Variants in CMIP observed in about 807,000 individuals in gnomAD.
CMIP encodes c-Maf inducing protein.
Under a neutral mutation model 97.3 loss-of-function variants are expected in CMIP, and 13 were observed. The ratio of observed to expected loss-of-function variants is 0.13; its 90% CI spans 0.09 to 0.21. CMIP has a LOEUF of 0.21. Ranked by LOEUF, CMIP falls within the 10% of genes least tolerant of loss-of-function variation. The probability of loss-of-function intolerance (pLI) is 1.00; values close to 1 mark genes in which losing one functional copy is unlikely to be tolerated. For synonymous variants in CMIP, 538 were observed against 436.3 expected, an observed-to-expected ratio of 1.23 and a Z score of -2.91; for missense variants, 847 against 1,024.9, an observed-to-expected ratio of 0.83 and a Z score of 2.37.
intron 1 of CMIP, among the ~76,000 whole-genome samples, chr16:81,528,986 C>A (rs1001213509): frequency 2.0e-5 from 3 of 152,266 alleles, no homozygotes; most frequent in Admixed American, 6.5e-5. Context: ...CATCTATCCG[C>A]CCATCCCTTT....
chr16:81,570,915 A>G (rs1214666201), intron 1 of CMIP, among the ~76,000 whole-genome samples: 1 of 152,122 alleles, frequency 6.6e-6, no homozygotes, highest in East Asian at 1.9e-4. Flanking sequence ...GAGCCTGCGG[A>G]CACGTGATGA....
At chr16:81,490,848 C>T (rs2150766206) in intron 1 of CMIP, among the ~76,000 whole-genome samples, 1 of 152,202 alleles carries the variant, frequency 6.6e-6, no homozygotes, top group South Asian at 2.1e-4. Context: ...GACACGGAGG[C>T]ATAGGGAGCA....
In CMIP at chr16:81,616,591, G is replaced by C. The variant is rs928132916; in HGVS notation, c.427-4285G>C. Among the ~76,000 whole-genome samples the C allele has an allele frequency of 1.3e-5, 2 of 152,238 alleles. No homozygotes were observed. Among genetic ancestry groups the C allele is most frequent in the Non-Finnish European group, 2.9e-5 (2 of 68,042 alleles). Reference sequence around the variant, plus strand: ...TAGCTGGGATCTGCAAACTAAACCTGCCTTCTTGAACCGAAACCTGCCTTC... The same window carrying C: ...TAGCTGGGATCTGCAAACTAAACCTCCCTTCTTGAACCGAAACCTGCCTTC... On this transcript the variant is annotated intron_variant, in intron 2 of 20. Transcript: ENST00000537098. The surrounding 1 kb of genome is among the most constrained non-coding windows in gnomAD (Gnocchi z 4.7).
intron 10 of CMIP, among the ~76,000 whole-genome samples, chr16:81,686,886 C>T (rs1311502527): frequency 6.6e-6 from 1 of 152,142 alleles, no homozygotes. Flanking sequence ...GTAGGGGTCC[C>T]GGGACCACCC....
At chr16:81,611,616 T>G (rs1394015511) in intron 2 of CMIP, among the ~76,000 whole-genome samples, 1 of 152,124 alleles carries the variant, frequency 6.6e-6, no homozygotes, top group African/African-American at 2.4e-5. Context: ...TCTTTAGTCC[T>G]TGCTGTGGCT....
At chr16:81,492,535 G>A (rs1001871597) in intron 1 of CMIP, among the ~76,000 whole-genome samples, 5 of 152,190 alleles carry the variant, frequency 3.3e-5, no homozygotes, top group Admixed American at 2.0e-4. Flanking sequence ...GTGGCATCGC[G>A]GTGGCCGGGA....
intron 17 of CMIP, among the ~76,000 whole-genome samples, chr16:81,703,160 C>T (rs1466717377): frequency 1.3e-5 from 2 of 152,158 alleles, no homozygotes; most frequent in African/African-American, 4.8e-5. Context: ...TCCATTCCAG[C>T]CAGCAGGAAG....
chr16:81,540,828 G>A (rs1383949454), intron 1 of CMIP, among the ~76,000 whole-genome samples: 1 of 152,102 alleles, frequency 6.6e-6, no homozygotes, highest in Non-Finnish European at 1.5e-5. Flanking sequence ...CTTCAGGCTT[G>A]TGCCACCACG....
intron 2 of CMIP, among the ~76,000 whole-genome samples, chr16:81,609,288 C>T (rs1222664539): frequency 1.3e-5 from 2 of 152,104 alleles, no homozygotes; most frequent in African/African-American, 2.4e-5. Context: ...CTTCTGCCAG[C>T]TCCTCTGCCT....
At chr16:81,461,176 C>T (rs896701341) in intron 1 of CMIP, among the ~76,000 whole-genome samples, 10 of 152,302 alleles carry the variant, frequency 6.6e-5, no homozygotes, top group South Asian at 4.1e-4. Context: ...TGATGTTTTC[C>T]ACTTCCTCCC....
rs2091993062 is a variant in CMIP at position 81,621,600 on chromosome 16, C to T, written c.477+674C>T. 1 of 152,850 alleles carries T rather than the reference C, an allele frequency of 6.5e-6. No homozygotes were observed. Among genetic ancestry groups the T allele is most frequent in the African/African-American group, 2.4e-5 (1 of 41,462 alleles). The allele number at this position is 152,850 out of a possible 1,614,324, so 9.5% of individuals were successfully genotyped here. ...AGCTTCTCATTCCTGCCCTGCCTCC[C>T]TGTCTCTCCTTGTCTTCTGATCTTC... On this transcript the variant is annotated intron_variant, in intron 3 of 20. Coordinates refer to ENST00000537098, the MANE Select transcript of CMIP (RefSeq NM_198390.3). This position sits in a 1 kb window ranked among gnomAD's most constrained non-coding sequence, Gnocchi z 4.1.
intron 1 of CMIP, among the ~76,000 whole-genome samples, chr16:81,537,193 C>T (rs1340024255): frequency 1.3e-5 from 2 of 152,164 alleles, no homozygotes; most frequent in African/African-American, 4.8e-5. Flanking sequence ...TGTGAGCCTG[C>T]CTTGGCCTGG....
intron 1 of CMIP, among the ~76,000 whole-genome samples, chr16:81,575,115 G>A (rs1354065139): frequency 6.6e-6 from 1 of 152,168 alleles, no homozygotes; most frequent in African/African-American, 2.4e-5. Context: ...TTAACTTCAT[G>A]CCAGCCATAT....
chr16:81,611,152 A>G (rs1266946912), intron 2 of CMIP, among the ~76,000 whole-genome samples: 1 of 152,120 alleles, frequency 6.6e-6, no homozygotes, highest in African/African-American at 2.4e-5. Context: ...CGTTAGCTAC[A>G]CCTCCAGTGG....
At chr16:81,487,567 C>T (rs1000696776) in intron 1 of CMIP, among the ~76,000 whole-genome samples, 1 of 152,204 alleles carries the variant, frequency 6.6e-6, no homozygotes. Flanking sequence ...GCGAAGGAAG[C>T]CAGAGCCAGA....
chr16:81,620,675 G>A (rs2091980622), intron 2 of CMIP: 1 of 574,436 alleles, frequency 1.7e-6, no homozygotes, highest in South Asian at 2.0e-5. Context: ...TTGTTTTTAG[G>A]AAATCCTCCC....
intron 1 of CMIP, among the ~76,000 whole-genome samples, chr16:81,596,894 CATGGT>C (rs2091566568): frequency 6.6e-6 from 1 of 152,252 alleles, no homozygotes; most frequent in Non-Finnish European, 1.5e-5. Flanking sequence ...GGTGGAAGCA[CATGGT>C]GATGTACATT....
At chr16:81,530,004 G>T (rs1050787565) in intron 1 of CMIP, among the ~76,000 whole-genome samples, 2 of 152,210 alleles carry the variant, frequency 1.3e-5, no homozygotes, top group African/African-American at 4.8e-5. Flanking sequence ...ACGAGGGTCC[G>T]CATTAACAGT....
chr16:81,567,541 G>A (rs1437987389), intron 1 of CMIP, among the ~76,000 whole-genome samples: 2 of 152,214 alleles, frequency 1.3e-5, no homozygotes. Flanking sequence ...ACGTCTCTGG[G>A]CCTCAGTTTC....
Sources: allele counts gnomAD v4.1 joint callset (sites outside exome capture counted in the v4.1 genomes callset), GRCh38; gene constraint gnomAD v4.1.1; non-coding constraint Gnocchi (gnomAD v3.1); transcripts MANE v1.5; gene names NCBI Gene and HGNC (gene_info 2026-07-23, HGNC 2026-07-21).